The following PIP5K1B variants were observed in gnomAD, a reference collection of about 807,000 sequenced individuals.
PIP5K1B encodes the protein phosphatidylinositol-4-phosphate 5-kinase type 1 beta.
In PIP5K1B, 42 loss-of-function variants were observed where a neutral mutation model predicts 67.0. That is an observed-to-expected ratio of 0.63 (90% CI 0.49 to 0.81). PIP5K1B has a LOEUF of 0.81. Ranked by LOEUF, PIP5K1B falls within the 30% of genes least tolerant of loss-of-function variation. The probability of loss-of-function intolerance (pLI) is 0.00; values close to 1 mark genes in which losing one functional copy is unlikely to be tolerated. For missense variants in PIP5K1B, 459 were observed against 646.3 expected, an observed-to-expected ratio of 0.71 and a Z score of 3.14; for synonymous variants, 214 against 231.4, an observed-to-expected ratio of 0.92 and a Z score of 0.68.
intron 1 of PIP5K1B, among the ~76,000 whole-genome samples, chr9:68,722,653 C>A (rs1564088171): frequency 6.7e-6 from 1 of 148,824 alleles, no homozygotes; most frequent in Non-Finnish European, 1.5e-5. Context: ...TATTTATTAC[C>A]ATGTATGTAT....
intron 4 of PIP5K1B, among the ~76,000 whole-genome samples, chr9:68,858,202 G>A (rs540998892): frequency 1.3e-5 from 2 of 152,206 alleles, no homozygotes; most frequent in East Asian, 1.9e-4. Flanking sequence ...TTGAACTCCT[G>A]ACCTCAAGTG....
In PIP5K1B at chr9:68,718,923, A is replaced by C. The variant is rs12342123; in HGVS notation, c.-243+13161A>C. Among the ~76,000 whole-genome samples, 412 of 152,192 alleles carry C rather than the reference A, an allele frequency of 2.7e-3. 1 individual carries two copies. Among genetic ancestry groups the C allele is most frequent in the African/African-American group, 9.3e-3 (386 of 41,536 alleles). ...ATTGAAAGTCCATTGTGATTTTGGG[A>C]ACCAGATAACCATACTGTCTGAAAT... is the stretch of plus-strand genomic sequence containing the variant. On this transcript the variant is annotated intron_variant, in intron 1 of 15. Transcript: ENST00000265382.
At chr9:68,740,571 T>C (rs540882921) in intron 1 of PIP5K1B, among the ~76,000 whole-genome samples, 90 of 152,234 alleles carry the variant, frequency 5.9e-4, no homozygotes, top group Non-Finnish European at 9.7e-4. Context: ...TGGTCTTCTA[T>C]GCAATGCGGG....
intron 14 of PIP5K1B, among the ~76,000 whole-genome samples, chr9:68,990,672 A>T (rs1444382929): frequency 1.4e-5 from 2 of 145,942 alleles, no homozygotes; most frequent in Non-Finnish European, 3.0e-5. Flanking sequence ...AATACTATAT[A>T]TTTTTTTTTT....
At chr9:68,996,163 C>T (rs1432704643) in intron 15 of PIP5K1B, among the ~76,000 whole-genome samples, 1 of 152,226 alleles carries the variant, frequency 6.6e-6, no homozygotes, top group Non-Finnish European at 1.5e-5. Context: ...CACCAGATAA[C>T]ATATGAAATA....
At chr9:68,967,672 A>G (rs766293153) in intron 14 of PIP5K1B, among the ~76,000 whole-genome samples, 10 of 152,160 alleles carry the variant, frequency 6.6e-5, no homozygotes, top group East Asian at 1.9e-4. Flanking sequence ...CTGTCACGCC[A>G]TGCTTTCATC....
chr9:68,906,083 C>T (rs899173064), intron 8 of PIP5K1B, among the ~76,000 whole-genome samples: 5 of 152,170 alleles, frequency 3.3e-5, no homozygotes, highest in African/African-American at 1.2e-4. Context: ...TGGTGGCATG[C>T]TCATGGCTCA....
intron 4 of PIP5K1B, among the ~76,000 whole-genome samples, chr9:68,823,233 T>A (rs1407088484): frequency 1.3e-5 from 2 of 152,174 alleles, no homozygotes; most frequent in Non-Finnish European, 2.9e-5. Context: ...GAAGGTGACA[T>A]ATTCACAGGT....
intron 8 of PIP5K1B, among the ~76,000 whole-genome samples, chr9:68,905,520 A>G (rs1413939942): frequency 1.3e-5 from 2 of 152,210 alleles, no homozygotes; most frequent in Non-Finnish European, 2.9e-5. Flanking sequence ...GAAGCTAGTG[A>G]GGGACTGAGT....
At chr9:68,807,879 C>T (rs540609771) in intron 2 of PIP5K1B, among the ~76,000 whole-genome samples, 1 of 152,280 alleles carries the variant, frequency 6.6e-6, no homozygotes, top group East Asian at 1.9e-4. Flanking sequence ...ATTGTGAAGT[C>T]TACCCAGTAT....
chr9:68,987,535 C>G (rs1157406669), intron 14 of PIP5K1B, among the ~76,000 whole-genome samples: 3 of 152,174 alleles, frequency 2.0e-5, no homozygotes, highest in Admixed American at 6.5e-5. Context: ...GCACTCTAGC[C>G]TGGGCAACAG....
chr9:68,831,740 A>T (rs1401411752), intron 4 of PIP5K1B, among the ~76,000 whole-genome samples: 1 of 151,934 alleles, frequency 6.6e-6, no homozygotes, highest in Non-Finnish European at 1.5e-5. Context: ...CAGTGGTGTG[A>T]TCTCAGCTCA....
chr9:68,983,108 G>C (rs1829955970), intron 14 of PIP5K1B, among the ~76,000 whole-genome samples: 1 of 152,170 alleles, frequency 6.6e-6, no homozygotes, highest in African/African-American at 2.4e-5. Context: ...TTTAGTATCT[G>C]TTTTGGCTGA....
chr9:68,789,507 C>T (rs547027673), intron 2 of PIP5K1B: 18 of 521,138 alleles, frequency 3.5e-5, no homozygotes, highest in African/African-American at 2.5e-4. Context: ...ACTTAAGAGA[C>T]AGTGGTGAGG....
At chr9:68,761,860 G>T (rs1310008379) in intron 2 of PIP5K1B, among the ~76,000 whole-genome samples, 4 of 152,112 alleles carry the variant, frequency 2.6e-5, no homozygotes, top group Non-Finnish European at 5.9e-5. Flanking sequence ...CTTGCCGTGT[G>T]ATAGACTATA....
intron 1 of PIP5K1B, among the ~76,000 whole-genome samples, chr9:68,727,326 C>T (rs555972131): frequency 9.2e-5 from 14 of 152,272 alleles, no homozygotes; most frequent in Non-Finnish European, 1.5e-4. Flanking sequence ...GTTGATCACT[C>T]TCACGAAGTC....
intron 6 of PIP5K1B, among the ~76,000 whole-genome samples, chr9:68,887,205 T>C (rs1824520923): frequency 6.6e-6 from 1 of 152,240 alleles, no homozygotes; most frequent in Admixed American, 6.5e-5. Context: ...CACTTTCTGA[T>C]GTGTAATGTA....
At chr9:68,963,331 C>T in intron 14 of PIP5K1B, 1 of 415,048 alleles carries the variant, frequency 2.4e-6, no homozygotes, top group South Asian at 1.7e-5. Flanking sequence ...GGTGAAACCC[C>T]ATCTCTACTA....
chr9:68,903,537 C>T (rs1193723829), intron 8 of PIP5K1B, among the ~76,000 whole-genome samples: 2 of 152,214 alleles, frequency 1.3e-5, no homozygotes, highest in African/African-American at 4.8e-5. Context: ...ACCATCCATA[C>T]ACCACAACTG....
Sources: gnomAD v4.1 joint callset for allele counts (sites outside exome capture counted in the v4.1 genomes callset) on GRCh38, gnomAD v4.1.1 for gene constraint, MANE v1.5 for transcripts, NCBI Gene and HGNC (gene_info 2026-07-23, HGNC 2026-07-21) for gene names.